The following ELK3 variants were observed in gnomAD, a reference collection of about 807,000 sequenced individuals.
The protein encoded by ELK3 is ETS domain-containing protein Elk-3.
Under a neutral mutation model 28.9 loss-of-function variants are expected in ELK3, and 10 were observed. The observed-to-expected ratio is 0.35, with a 90% confidence interval of 0.21 to 0.59. The LOEUF (loss-of-function observed/expected upper bound fraction) is 0.59. ELK3 is among the 20% of genes least tolerant of loss of function. The pLI, the probability that ELK3 is intolerant of heterozygous loss-of-function variation, is 0.82. For synonymous variants in ELK3, 272 were observed against 243.5 expected (o/e 1.12, Z -1.09); for missense variants, 463 against 517.3 (o/e 0.90, Z 1.02).
chr12:96,246,838 A>G (rs546697369), intron 2 of ELK3, 102 bp from the exon 3 acceptor site: 177 of 1,228,344 alleles, frequency 1.4e-4, no homozygotes, highest in Non-Finnish European at 1.9e-4. Context: ...GTAAATCAGG[A>G]ACATTTTGGT....
At chr12:96,211,487 T>TGTGTGTGTGTG (rs1555193134) in intron 1 of ELK3, among the ~76,000 whole-genome samples, 7 of 54,498 alleles carry the variant, frequency 1.3e-4, no homozygotes, top group African/African-American at 2.4e-4. Flanking sequence ...CATTGTGTGT[T>TGTGTGTGTGTG]TGTGTGTGTG....
intron 2 of ELK3, among the ~76,000 whole-genome samples, chr12:96,235,567 C>T (rs1951776961): frequency 6.6e-6 from 1 of 152,146 alleles, no homozygotes; most frequent in Non-Finnish European, 1.5e-5. Flanking sequence ...AAGAAAGCGT[C>T]TTGCCCTACC....
chr12:96,262,758 A>G (rs940178944), intron 4 of ELK3, among the ~76,000 whole-genome samples: 1 of 152,162 alleles, frequency 6.6e-6, no homozygotes, highest in African/African-American at 2.4e-5. Context: ...AGATGTTACA[A>G]TTGATACATA....
At chr12:96,231,814 T>C (rs1045452350) in intron 2 of ELK3, among the ~76,000 whole-genome samples, 5 of 152,286 alleles carry the variant, frequency 3.3e-5, no homozygotes, top group African/African-American at 1.2e-4. Flanking sequence ...CCACCTCCAG[T>C]TGACACGGCC....
At position 96,247,546 on chromosome 12, in the gene ELK3, G is replaced by A. The variant is rs748842994; in HGVS notation, c.814G>A (p.Glu272Lys). 105 of 1,613,818 alleles carry A rather than the reference G, an allele frequency of 6.5e-5. No homozygotes were observed. Among genetic ancestry groups the A allele is most frequent in the Non-Finnish European group, 5.4e-5 (64 of 1,180,000 alleles). ...EAACHDSDSL[E>K]PLNLSSGSKT... The stretch of plus-strand genomic sequence containing the variant: ...CGCCTGCCATGACTCCGATTCCCTG[G>A]AGCCCTTGAACCTGTCATCGGGCTC... Residue 272 changes from glutamate to lysine, a missense_variant, in exon 3 of 5, where the codon GAG becomes AAG. By Grantham distance (56) the Glu-to-Lys change is moderately conservative. This residue lies in a region of ELK3 where 408 missense variants were observed against 414.8 expected (regional missense o/e 0.98). Coordinates refer to ENST00000228741, the MANE Select transcript of ELK3 (RefSeq NM_005230.4). This position sits in a 1 kb window ranked among gnomAD's most constrained non-coding sequence, Gnocchi z 5.5.
At chr12:96,264,174 G>A (rs986366720) in intron 4 of ELK3, among the ~76,000 whole-genome samples, 1 of 152,046 alleles carries the variant, frequency 6.6e-6, no homozygotes, top group Admixed American at 6.6e-5. Context: ...TTGTAGAAAC[G>A]AGGTCTCACT....
At chr12:96,234,501 C>G (rs1467358659) in intron 2 of ELK3, among the ~76,000 whole-genome samples, 4 of 152,140 alleles carry the variant, frequency 2.6e-5, no homozygotes, top group African/African-American at 4.8e-5. Context: ...CACCCGCCGT[C>G]CACCCACGCC....
intron 1 of ELK3, among the ~76,000 whole-genome samples, chr12:96,215,800 T>C (rs543228048): frequency 4.6e-5 from 7 of 151,796 alleles, no homozygotes; most frequent in South Asian, 2.1e-4. Context: ...CAGACACAGC[T>C]AATTTTTGTA....
chr12:96,224,029 A>G (rs1951682016), intron 2 of ELK3: 3 of 480,464 alleles, frequency 6.2e-6, no homozygotes, highest in Non-Finnish European at 1.1e-5. Flanking sequence ...CTTTGCTCAC[A>G]ATACAAATGA....
chr12:96,252,347 C>G (rs1276995511), intron 3 of ELK3, among the ~76,000 whole-genome samples: 1 of 150,942 alleles, frequency 6.6e-6, no homozygotes. Flanking sequence ...ACCCAGAAGT[C>G]AAGGAGTAAT....
chr12:96,253,972 G>A (rs1418942004), intron 3 of ELK3, among the ~76,000 whole-genome samples: 1 of 152,238 alleles, frequency 6.6e-6, no homozygotes, highest in Non-Finnish European at 1.5e-5. Context: ...TTAGGGTGGT[G>A]TGAAATTATG....
intron 1 of ELK3, among the ~76,000 whole-genome samples, chr12:96,195,200 A>C (rs948841022): frequency 6.6e-6 from 1 of 151,932 alleles, no homozygotes; most frequent in Admixed American, 6.5e-5. Context: ...CGAGTGGGCA[A>C]AGTGCACTGG....
chr12:96,202,250 C>T (rs1243793311), intron 1 of ELK3, among the ~76,000 whole-genome samples: 1 of 152,176 alleles, frequency 6.6e-6, no homozygotes, highest in East Asian at 1.9e-4. Context: ...CTAACTCAAG[C>T]TGCAAGATGT....
At chr12:96,214,733 G>GT (rs915472511) in intron 1 of ELK3, among the ~76,000 whole-genome samples, 88 of 151,188 alleles carry the variant, frequency 5.8e-4, no homozygotes, top group Admixed American at 7.9e-4. Flanking sequence ...ACTTGTATAA[G>GT]TTTTTTTTTC....
At chr12:96,263,805 G>T (rs947058466) in intron 4 of ELK3, among the ~76,000 whole-genome samples, 2 of 152,120 alleles carry the variant, frequency 1.3e-5, no homozygotes, top group Non-Finnish European at 2.9e-5. Flanking sequence ...GGTTGGAAAC[G>T]CAGCTGTGGG....
chr12:96,246,733 A>G (rs192514481), intron 2 of ELK3, among the ~76,000 whole-genome samples: 26 of 152,312 alleles, frequency 1.7e-4, no homozygotes, highest in African/African-American at 6.0e-4. Flanking sequence ...TTAATTTGCC[A>G]AAGATCACAA....
At chr12:96,215,621 C>A (rs1350117918) in intron 1 of ELK3, among the ~76,000 whole-genome samples, 2 of 142,858 alleles carry the variant, frequency 1.4e-5, no homozygotes, top group African/African-American at 5.2e-5. Flanking sequence ...TAAAGAGGGA[C>A]ATAAAACCTT....
At position 96,259,838 on chromosome 12, in the gene ELK3, AAGCACGCTGTTCC is replaced by A; in HGVS notation, c.1113_1125del (p.Thr372SerfsTer43). ...TGAGTCCTGCCAGGCTGCAAGGGCC[AAGCACGCTGTTCC>A]AGGTGAGCGTTTGGAAATGAACTTT... On this transcript the variant is annotated frameshift_variant and splice_region_variant, in exon 4 of 5. Transcript: ENST00000228741. LOFTEE classifies it high-confidence loss of function. The A allele has an allele frequency of 6.2e-7, 1 of 1,603,438 alleles. No homozygotes were observed. Among genetic ancestry groups the A allele is most frequent in the Non-Finnish European group, 8.5e-7 (1 of 1,176,030 alleles).
chr12:96,204,180 TA>T (rs1223599242), intron 1 of ELK3, among the ~76,000 whole-genome samples: 1 of 152,136 alleles, frequency 6.6e-6, no homozygotes, highest in Admixed American at 6.5e-5. Flanking sequence ...TTTTTTTTTT[TA>T]TAGAATTAAT....
Sources: gnomAD v4.1 joint callset for allele counts (sites outside exome capture counted in the v4.1 genomes callset) on GRCh38, gnomAD v4.1.1 for gene constraint, gnomAD v4.1.1 regional missense constraint, Gnocchi (gnomAD v3.1) non-coding constraint, MANE v1.5 for transcripts, NCBI Gene and HGNC (gene_info 2026-07-23, HGNC 2026-07-21) for gene names.